Variants in DCAF6 observed in about 807,000 individuals in gnomAD.
The protein encoded by DCAF6 is DDB1 and CUL4 associated factor 6.
A neutral mutation model predicts 125.1 loss-of-function variants in DCAF6; 54 were observed. The observed-to-expected ratio is 0.43, with a 90% CI of 0.35 to 0.54. The LOEUF is 0.54. DCAF6 is among the 20% of genes least tolerant of loss of function. The pLI is 0.01. For synonymous variants in DCAF6, 371 were observed against 390.4 expected (o/e 0.95, Z 0.58); for missense variants, 934 against 1,161.7 (o/e 0.80, Z 2.85).
At chr1:167,940,619 G>A (rs773137150) in intron 1 of DCAF6, among the ~76,000 whole-genome samples, 2 of 151,776 alleles carry the variant, frequency 1.3e-5, no homozygotes, top group Non-Finnish European at 2.9e-5. Context: ...TAGTGCTTTT[G>A]GAAATCAGTG....
At chr1:167,943,865 G>T (rs1672646574) in intron 1 of DCAF6, among the ~76,000 whole-genome samples, 1 of 151,926 alleles carries the variant, frequency 6.6e-6, no homozygotes, top group Non-Finnish European at 1.5e-5. Flanking sequence ...TTGAGATGGA[G>T]TCTCACTCTG....
the DCAF6 span, among the ~76,000 whole-genome samples, chr1:167,925,472 T>TATATAC: frequency 3.9e-5 from 4 of 102,042 alleles, no homozygotes; most frequent in Non-Finnish European, 5.2e-5. Context: ...TATATATATA[T>TATATAC]ATACATATAC....
chr1:168,072,321 A>AAAAAAG (rs1693200024), intron 21 of DCAF6, among the ~76,000 whole-genome samples: 9 of 146,282 alleles, frequency 6.2e-5, no homozygotes, highest in African/African-American at 2.4e-4. Context: ...AAAAAAAAAA[A>AAAAAAG]AAAAGAAAAG....
the DCAF6 span, among the ~76,000 whole-genome samples, chr1:167,927,534 T>C: frequency 6.6e-6 from 1 of 152,318 alleles, no homozygotes; most frequent in Admixed American, 6.5e-5. Flanking sequence ...GGGTGTTCAT[T>C]TTTACTCTGA....
the DCAF6 span, among the ~76,000 whole-genome samples, chr1:167,874,273 G>A: frequency 1.3e-5 from 2 of 152,200 alleles, no homozygotes; most frequent in Non-Finnish European, 2.9e-5. Context: ...AGAGGTTGTA[G>A]TGAGCCAAGA....
the DCAF6 span, among the ~76,000 whole-genome samples, chr1:167,915,426 A>G: frequency 1.3e-5 from 2 of 152,216 alleles, no homozygotes; most frequent in African/African-American, 4.8e-5. Context: ...GTACTTAAAG[A>G]AAAGTACTTT....
intron 21 of DCAF6, 53 bp from the exon 22 acceptor site, chr1:168,075,318 A>G: frequency 1.3e-6 from 2 of 1,497,282 alleles, no homozygotes; most frequent in Non-Finnish European, 1.8e-6. Context: ...AATATTAATA[A>G]TTGTAATTAC....
chr1:167,929,806 T>C, the DCAF6 span, among the ~76,000 whole-genome samples: 1 of 152,202 alleles, frequency 6.6e-6, no homozygotes, highest in African/African-American at 2.4e-5. Flanking sequence ...ATTGAGGTAT[T>C]CACTATATCC....
the DCAF6 span, among the ~76,000 whole-genome samples, chr1:167,881,919 A>G: frequency 4.1e-3 from 617 of 152,344 alleles, 3 homozygotes; most frequent in Non-Finnish European, 7.2e-3. Flanking sequence ...CAGAACTCCC[A>G]TAGCACAGAG....
the DCAF6 span, among the ~76,000 whole-genome samples, chr1:167,908,669 C>T: frequency 6.6e-6 from 1 of 152,096 alleles, no homozygotes; most frequent in African/African-American, 2.4e-5. Context: ...AATATGTACA[C>T]TTTTTGTCAT....
Position 167,993,337 on chromosome 1 carries a change from A to G in DCAF6, c.800A>G (p.Glu267Gly). Residue 267 changes from glutamate to glycine, a missense_variant, in exon 7 of 22, where the codon GAG (glutamate) becomes GGG (glycine). Transcript: ENST00000367840. ...TSLCYSEDGQ[E>G]ILVSYSSDYI... is the part of the protein sequence containing the mutation. ...CTGTGTTACAGTGAAGATGGTCAAG[A>G]GATTCTCGTTAGTTACTCTTCAGAT... 1 of 1,613,936 alleles carries G rather than the reference A, an allele frequency of 6.2e-7. No individual in the cohort carries two copies. Among genetic ancestry groups the G allele is most frequent in the Non-Finnish European group, 8.5e-7 (1 of 1,179,846 alleles).
chr1:167,920,181 T>C, the DCAF6 span: 1 of 793,472 alleles, frequency 1.3e-6, no homozygotes, highest in East Asian at 2.6e-5. Flanking sequence ...ATTACAACAA[T>C]AATGTAGGAT....
chr1:167,970,682 C>T (rs1213524817), intron 3 of DCAF6, among the ~76,000 whole-genome samples: 1 of 151,776 alleles, frequency 6.6e-6, no homozygotes, highest in Non-Finnish European at 1.5e-5. Context: ...TTTAAAACAC[C>T]AATGATTCAT....
intron 14 of DCAF6, among the ~76,000 whole-genome samples, 198 bp from the exon 15 acceptor site, chr1:168,044,387 G>A (rs745918094): frequency 6.6e-6 from 1 of 152,080 alleles, no homozygotes; most frequent in Non-Finnish European, 1.5e-5. Flanking sequence ...CGCTTACATA[G>A]CATTTACATT....
chr1:167,916,851 G>A, the DCAF6 span: 2 of 152,222 alleles, frequency 1.3e-5, no homozygotes, highest in African/African-American at 4.8e-5. Context: ...GAATTTAACA[G>A]TGTGGTTTAT....
chr1:168,050,660 C>G (rs1689795591), intron 16 of DCAF6, among the ~76,000 whole-genome samples: 1 of 152,194 alleles, frequency 6.6e-6, no homozygotes, highest in South Asian at 2.1e-4. Flanking sequence ...GGATTAAGTG[C>G]AATGTCTTCC....
chr1:167,930,560 G>A, the DCAF6 span, among the ~76,000 whole-genome samples: 1 of 152,158 alleles, frequency 6.6e-6, no homozygotes, highest in Non-Finnish European at 1.5e-5. Context: ...AAAGTCCTAA[G>A]AGAATACCAA....
intron 7 of DCAF6, among the ~76,000 whole-genome samples, chr1:167,995,406 G>C (rs1263004676): frequency 1.3e-5 from 2 of 152,188 alleles, no homozygotes; most frequent in African/African-American, 4.8e-5. Context: ...TTGGCCGGGC[G>C]TAGTGGCTTA....
intron 6 of DCAF6, 141 bp downstream of exon 6, chr1:167,991,480 A>C: frequency 1.2e-6 from 1 of 855,708 alleles, no homozygotes; most frequent in Non-Finnish European, 1.6e-6. Flanking sequence ...TATAAAAAAT[A>C]ACATTTCACC....
Sources: gnomAD v4.1 joint callset for allele counts (sites outside exome capture counted in the v4.1 genomes callset) on GRCh38, gnomAD v4.1.1 for gene constraint, MANE v1.5 for transcripts, NCBI Gene and HGNC (gene_info 2026-07-23, HGNC 2026-07-21) for gene names.